RRP1B: variants seen among roughly 807,000 people sequenced by gnomAD.
RRP1B encodes the protein ribosomal RNA processing protein 1 homolog B.
A neutral mutation model predicts 80.2 loss-of-function variants in RRP1B; 56 were observed. The observed-to-expected ratio is 0.70, with a 90% confidence interval of 0.56 to 0.87. The LOEUF is 0.87. RRP1B is among the 40% of genes least tolerant of loss of function. The pLI is 0.00. For synonymous variants in RRP1B, 351 were observed against 357.6 expected, an observed-to-expected ratio of 0.98 and a Z score of 0.21; for missense variants, 807 against 939.8, an observed-to-expected ratio of 0.86 and a Z score of 1.85.
Position 43,683,288 on chromosome 21 carries a change from A to G in RRP1B, c.806A>G (p.Lys269Arg), listed in dbSNP as rs748991416. The part of the protein sequence containing the change: ...AVSKKKTALG[K>R]NHSRKDGLSD... ...GGGTATATTTTGACAGCACTGGGCAAAAACCATTCCAGAAAAGATGGACTC... is the reference window on the plus strand; with the variant it reads ...GGGTATATTTTGACAGCACTGGGCAGAAACCATTCCAGAAAAGATGGACTC... The change falls in exon 9 of 16, where the codon AAA becomes AGA. Residue 269 changes from lysine to arginine, a missense_variant. Transcript: ENST00000340648. The G allele has an allele frequency of 5.6e-6, 9 of 1,614,174 alleles. No individual in the cohort carries two copies. The highest frequency in any genetic ancestry group is 7.6e-6 in the Non-Finnish European group (9 of 1,179,996).
At chr21:43,665,714 T>G (rs1009551340) in intron 1 of RRP1B, among the ~76,000 whole-genome samples, 14 of 152,040 alleles carry the variant, frequency 9.2e-5, no homozygotes. Context: ...GGGATCTGAC[T>G]GTTAAAGAGC....
chr21:43,676,748 G>A lies in RRP1B; in HGVS notation c.630G>A (p.Gln210=). 1 of 1,614,102 alleles carries A rather than the reference G, an allele frequency of 6.2e-7. No homozygotes were observed. Among genetic ancestry groups the A allele is most frequent in the Non-Finnish European group, 8.5e-7 (1 of 1,180,010 alleles). ...CTACCCTCAGCCACACCCTGGTACAGACCATAGCTCGGGGTGTCTTCGAAG... is the reference window on the plus strand; with the variant it reads ...CTACCCTCAGCCACACCCTGGTACAAACCATAGCTCGGGGTGTCTTCGAAG... The part of the protein sequence containing the change: ...AAKTKDHTLV[Q]TIARGVFEAI... Residue 210 remains glutamine (Q), a synonymous_variant, in exon 8 of 16, where the codon CAG becomes CAA. Transcript: ENST00000340648.
rs2083086639 is a variant in RRP1B at position 43,691,611 on chromosome 21, T to C, written c.2083+109T>C. On this transcript the variant is annotated intron_variant, in intron 15 of 15. Transcript: ENST00000340648. This position sits in a 1 kb window ranked among gnomAD's most constrained non-coding sequence, Gnocchi z 4.2. The stretch of plus-strand genomic sequence containing the variant: ...GGTCGGGGAAGAGGGGGGTCCTAGC[T>C]CCTCACTGCCCATTTCTTTATTTTT... 3 of 800,184 alleles carry C rather than the reference T, an allele frequency of 3.7e-6. No homozygotes were observed. Among genetic ancestry groups the C allele is most frequent in the Non-Finnish European group, 6.3e-6 (3 of 476,986 alleles). The allele number at this position is 800,184 out of a possible 1,614,324, so 49.6% of individuals were successfully genotyped here.
intron 11 of RRP1B, 91 bp from the exon 12 acceptor site, chr21:43,686,713 G>C (rs2083064476): frequency 6.9e-7 from 1 of 1,450,042 alleles, no homozygotes; most frequent in African/African-American, 1.4e-5. Flanking sequence ...ATGATGATGA[G>C]GCAGAAATTG....
In RRP1B at chr21:43,690,411, G is replaced by T. The variant is rs143543167; in HGVS notation, c.1990G>T (p.Ala664Ser). Reference protein sequence around the residue: ...LFFRRAKSSTATHPPGPAVQL... With the variant: ...LFFRRAKSSTSTHPPGPAVQL... The stretch of plus-strand genomic sequence containing the variant: ...CTTCAGAAGAGCCAAGAGCAGCACT[G>T]CCACCCACCCTCCAGGCCCTGCCGT... Residue 664 changes from alanine (A) to serine (S), a missense_variant, in exon 14 of 16, where the codon GCC becomes TCC. Ala to Ser is a moderately conservative substitution (Grantham distance 99, BLOSUM62 1). Transcript: ENST00000340648. 1.9e-6 allele frequency: 3 copies of T among 1,614,034 alleles called. No individual in the cohort carries two copies. In the African/African-American group the frequency reaches 4.0e-5, roughly 22 times the overall value.
chr21:43,675,043 G>A lies in RRP1B; in HGVS notation c.429G>A (p.Lys143=). 1 of 1,613,982 alleles carries A rather than the reference G, an allele frequency of 6.2e-7. No homozygotes were observed. The highest frequency in any genetic ancestry group is 8.5e-7 in the Non-Finnish European group (1 of 1,179,932). Reference sequence around the variant, plus strand: ...GCGTTTGGTTCTTTAGCCGAATCAAGGTTTTCTTGGATGTCCTGATGAAGG... The same window carrying A: ...GCGTTTGGTTCTTTAGCCGAATCAAAGTTTTCTTGGATGTCCTGATGAAGG... The part of the protein sequence containing the change: ...KRNGWEESRI[K]VFLDVLMKEV... Residue 143 remains lysine (K), a synonymous_variant, in exon 6 of 16, where the codon AAG becomes AAA. Transcript: ENST00000340648.
rs781466934 is a variant in RRP1B, at chr21:43,688,063, G to A, written c.1689G>A (p.Thr563=). Residue 563 remains threonine (T), a synonymous_variant, in exon 13 of 16, where the codon ACG becomes ACA. Coordinates refer to ENST00000340648, the MANE Select transcript of RRP1B (RefSeq NM_015056.3). Reference sequence around the variant, plus strand: ...CAGAGGGGGCGAACAGCCACACCACGCTGCCCCAGCGCAGGAGGCTGCAGA... The same window carrying A: ...CAGAGGGGGCGAACAGCCACACCACACTGCCCCAGCGCAGGAGGCTGCAGA... The part of the protein sequence containing the change: ...GPAEGANSHT[T]LPQRRRLQKK... 4.0e-5 allele frequency: 64 copies of A among 1,612,288 alleles called. No individual in the cohort carries two copies. Among genetic ancestry groups the A allele is most frequent in the Non-Finnish European group, 4.7e-5 (55 of 1,179,560 alleles).
Position 43,688,126 on chromosome 21 carries a change from C to A in RRP1B, c.1752C>A (p.Gly584=). 6.3e-7 allele frequency: 1 copy of A among 1,593,706 alleles called. No homozygotes were observed. Among genetic ancestry groups the A allele is most frequent in the Non-Finnish European group, 8.5e-7 (1 of 1,170,234 alleles). ...GGCCCGGCAGCCTGGAGCTCTGTGG[C>A]CTGCCCAGCCAGAAAACAGCAAGTT... ...KAGPGSLELC[G]LPSQKTASLK... Residue 584 remains glycine (G), a synonymous_variant, in exon 13 of 16, where the codon GGC becomes GGA. Coordinates refer to ENST00000340648, the MANE Select transcript of RRP1B (RefSeq NM_015056.3).
At chr21:43,686,271 G>C in intron 11 of RRP1B, 1 of 161,826 alleles carries the variant, frequency 6.2e-6, no homozygotes, top group South Asian at 1.7e-4. Context: ...TCATGTGTGG[G>C]TACTGCGATG....
At chr21:43,686,557 G>A in intron 11 of RRP1B, 1 of 399,458 alleles carries the variant, frequency 2.5e-6, no homozygotes, top group East Asian at 4.4e-5. Flanking sequence ...CATTAGCCAA[G>A]CGTCCGGGGT....
intron 9 of RRP1B, among the ~76,000 whole-genome samples, chr21:43,683,905 G>A (rs1307372579): frequency 6.7e-6 from 1 of 149,972 alleles, no homozygotes; most frequent in Non-Finnish European, 1.5e-5. Flanking sequence ...TTTGAACCCG[G>A]GAGGTGGAGG....
At position 43,667,787 on chromosome 21, in the gene RRP1B, A is replaced by G. The variant is rs181280148; in HGVS notation, c.131-2097A>G. 8.5e-5 allele frequency among the ~76,000 whole-genome samples: 13 copies of G among 152,352 alleles called. No individual in the cohort carries two copies. The East Asian group carries it at 2.5e-3, about 29-fold the overall frequency. On this transcript the variant is annotated intron_variant, in intron 1 of 15. Transcript: ENST00000340648. ...GAGGATCCCCAGGCATGACTTGTTCATAACAAGAGGGCAAGAGAACCAGTT... is the reference window on the plus strand; with the variant it reads ...GAGGATCCCCAGGCATGACTTGTTCGTAACAAGAGGGCAAGAGAACCAGTT...
chr21:43,683,446 C>A, intron 9 of RRP1B, 73 bp downstream of exon 9: 1 of 1,199,900 alleles, frequency 8.3e-7, no homozygotes, highest in Non-Finnish European at 1.2e-6. Flanking sequence ...ATTAGGGTCA[C>A]AGCTAGTTAA....
At chr21:43,674,532 A>G (rs2147166646) in intron 4 of RRP1B, 104 bp from the exon 5 acceptor site, 2 of 827,776 alleles carry the variant, frequency 2.4e-6, no homozygotes, top group African/African-American at 1.8e-5. Flanking sequence ...CCAGGCCATA[A>G]CAATTTCATT....
In RRP1B at chr21:43,673,634, CA is replaced by C. The variant is rs557525643; in HGVS notation, c.272-216del. Among the ~76,000 whole-genome samples the C allele has an allele frequency of 9.4e-3, 620 of 66,110 alleles. 1 individual carries two copies. The highest frequency in any genetic ancestry group is 0.015 in the Non-Finnish European group (386 of 25,958). The allele number at this position is 66,110 out of a possible 152,430, so 43.4% of individuals were successfully genotyped here. On this transcript the variant is annotated intron_variant, in intron 3 of 15. Coordinates refer to ENST00000340648, the MANE Select transcript of RRP1B (RefSeq NM_015056.3). ...GGGCCACAGAGTGGGACCCCGTCTC[CA>C]AAAAAAAAAAAAAAAAAAAGTAAAA...
At chr21:43,692,151 T>C (rs971219337) in intron 15 of RRP1B, among the ~76,000 whole-genome samples, 2 of 152,230 alleles carry the variant, frequency 1.3e-5, no homozygotes, top group Non-Finnish European at 2.9e-5. Context: ...GAGAGGCCAT[T>C]TGAGATCGTA....
rs531050190 is a variant in RRP1B at position 43,688,216 on chromosome 21, C to T, written c.1842C>T (p.Ser614=). ...NLVEHNGVLE[S]EAGQPQALGS... is the part of the protein sequence containing the mutation. ...TGGAGCACAACGGGGTGCTGGAGTC[C>T]GAAGCTGGGCAACCCCAGGCTCTGG... The change falls in exon 13 of 16, where the codon TCC becomes TCT. Residue 614 remains serine, a synonymous_variant. Coordinates refer to ENST00000340648, the MANE Select transcript of RRP1B (RefSeq NM_015056.3). 68 of 1,564,498 alleles carry T rather than the reference C, an allele frequency of 4.3e-5. No homozygotes were observed. The highest frequency in any genetic ancestry group is 5.2e-5 in the Non-Finnish European group (60 of 1,153,270).
At chr21:43,690,101 C>T (rs2083080398) in intron 13 of RRP1B, among the ~76,000 whole-genome samples, 187 bp from the exon 14 acceptor site, 1 of 152,254 alleles carries the variant, frequency 6.6e-6, no homozygotes, top group South Asian at 2.1e-4. Flanking sequence ...TGATAGCGGT[C>T]GTGTTGTGCG....
rs1433402745 is a variant in RRP1B at position 43,693,659 on chromosome 21, G to A, written c.*276G>A. 5.5e-6 allele frequency: 2 copies of A among 363,670 alleles called. No individual in the cohort carries two copies. Among genetic ancestry groups the A allele is most frequent in the Non-Finnish European group, 9.8e-6 (2 of 204,806 alleles). 22.5% of individuals were successfully genotyped at this position (363,670 alleles called of 1,614,324 possible). A position where few individuals can be genotyped will look rare whatever the true frequency, so the allele number is the denominator to read the frequency against. Reference sequence around the variant, plus strand: ...AGTGATTCCCATTGGTGTAGGAAATGAGACCCTCTCTGAAGCTGAGGAGAG... The same window carrying A: ...AGTGATTCCCATTGGTGTAGGAAATAAGACCCTCTCTGAAGCTGAGGAGAG... On this transcript the variant is annotated 3_prime_UTR_variant, in exon 16 of 16. Transcript: ENST00000340648. This position sits in a 1 kb window ranked among gnomAD's most constrained non-coding sequence, Gnocchi z 4.1.
Sources: gnomAD v4.1 joint callset for allele counts (sites outside exome capture counted in the v4.1 genomes callset) on GRCh38, gnomAD v4.1.1 for gene constraint, Gnocchi (gnomAD v3.1) non-coding constraint, MANE v1.5 for transcripts, NCBI Gene and HGNC (gene_info 2026-07-23, HGNC 2026-07-21) for gene names.